The following TBC1D2 variants were observed in gnomAD, a reference collection of about 807,000 sequenced individuals.
TBC1D2 encodes TBC1 domain family member 2A.
TBC1D2 carries 58 observed loss-of-function variants against 91.1 expected under a neutral mutation model. The ratio of observed to expected loss-of-function variants is 0.64; its 90% CI spans 0.52 to 0.79. The LOEUF is 0.79. Ranked by LOEUF, TBC1D2 falls within the 30% of genes least tolerant of loss-of-function variation. TBC1D2 has a pLI of 0.00. For missense variants in TBC1D2, 1,080 were observed against 1,208.3 expected (o/e 0.89, Z 1.57); for synonymous variants, 482 against 511.5 (o/e 0.94, Z 0.78).
At chr9:98,218,671 G>A (rs937853031) in intron 6 of TBC1D2, among the ~76,000 whole-genome samples, 4 of 152,190 alleles carry the variant, frequency 2.6e-5, no homozygotes, top group Admixed American at 2.0e-4. Context: ...AGGCTGTCTG[G>A]AGCCACCTGG....
intron 3 of TBC1D2, chr9:98,235,364 C>T: frequency 2.2e-6 from 1 of 449,226 alleles, no homozygotes; most frequent in Non-Finnish European, 4.4e-6. Context: ...AGATAAACCA[C>T]AGTTACAAGG....
intron 10 of TBC1D2, 121 bp downstream of exon 10, chr9:98,203,167 G>A (rs1034343818): frequency 4.1e-6 from 6 of 1,478,034 alleles, no homozygotes; most frequent in Non-Finnish European, 5.5e-6. Context: ...CACTCCCACA[G>A]TGCAGAGGGA....
chr9:98,237,909 C>CT lies in TBC1D2; in HGVS notation c.648-4361dup, dbSNP rs200976335. On this transcript the variant is annotated intron_variant, in intron 3 of 12. Transcript: ENST00000465784. Reference sequence around the variant, plus strand: ...TAAGTCTTTTTTTTTTCTTTTTTTTCTTTTTTTTTTTTGAGACAGAGTCTC... The same window carrying CT: ...TAAGTCTTTTTTTTTTCTTTTTTTTCTTTTTTTTTTTTTGAGACAGAGTCTC... 1.6e-3 allele frequency among the ~76,000 whole-genome samples: 202 copies of CT among 124,104 alleles called. 2 individuals carry two copies. Among genetic ancestry groups the CT allele is most frequent in the Admixed American group, 6.2e-3 (78 of 12,600 alleles). The allele number at this position is 124,104 out of a possible 152,430, so 81.4% of individuals were successfully genotyped here.
chr9:98,200,497 CTGGAGGCACAATGTGTGGGGATAGGCT>C, intron 11 of TBC1D2, 123 bp from the exon 12 acceptor site: 2 of 667,832 alleles, frequency 3.0e-6, no homozygotes, highest in East Asian at 5.4e-5. Flanking sequence ...AAGTTGAGGC[CTGGAGGCACAATGTGTGGGGATAGGCT>C]CCAGGGGGCT....
rs573792414 is a variant in TBC1D2 at position 98,254,919 on chromosome 9, A to G, written c.369+254T>C. On this transcript the variant is annotated intron_variant, in intron 1 of 12. Transcript: ENST00000465784. Reference sequence around the variant, plus strand: ...CCAAGCTACCCTACTCTCTAGACGCATGGACCTCGAGCCAGTCCTTTCATC... The same window carrying G: ...CCAAGCTACCCTACTCTCTAGACGCGTGGACCTCGAGCCAGTCCTTTCATC... 1.9e-4 allele frequency among the ~76,000 whole-genome samples: 29 copies of G among 152,316 alleles called. No individual in the cohort carries two copies. The East Asian group carries it at 4.8e-3, about 25-fold the overall frequency.
chr9:98,202,964 T>G (rs1429450536), intron 10 of TBC1D2, among the ~76,000 whole-genome samples: 1 of 152,258 alleles, frequency 6.6e-6, no homozygotes, highest in East Asian at 1.9e-4. Flanking sequence ...ATGCCCACAG[T>G]GCTGGAGGCG....
chr9:98,243,547 T>TC (rs1829696692), intron 3 of TBC1D2, among the ~76,000 whole-genome samples: 1 of 143,368 alleles, frequency 7.0e-6, no homozygotes, highest in Non-Finnish European at 1.5e-5. Flanking sequence ...TTTTTTTTTT[T>TC]TTTTTTGAGA....
chr9:98,229,156 A>G lies in TBC1D2; in HGVS notation c.782-8T>C. ...AATCCTCTGGCTCTCTCCCTGCTCA[A>G]GAGGAGAAACGCAGAAGTTATGACT... is the stretch of plus-strand genomic sequence containing the variant. On this transcript the variant is annotated splice_region_variant and splice_polypyrimidine_tract_variant and intron_variant, in intron 4 of 12. Coordinates refer to ENST00000465784, the MANE Select transcript of TBC1D2 (RefSeq NM_001267571.2). The G allele has an allele frequency of 6.2e-7, 1 of 1,613,862 alleles. No individual in the cohort carries two copies. Among genetic ancestry groups the G allele is most frequent in the African/African-American group, 1.3e-5 (1 of 75,030 alleles).
rs1447318403 is a variant in TBC1D2 at position 98,201,756 on chromosome 9, C to T, written c.2272-92G>A. 7.5e-6 allele frequency: 10 copies of T among 1,337,174 alleles called. No homozygotes were observed. The Admixed American group carries it at 1.9e-4, about 25-fold the overall frequency. 82.8% of individuals were successfully genotyped at this position (1,337,174 alleles called of 1,614,324 possible). On this transcript the variant is annotated intron_variant, in intron 10 of 12. Transcript: ENST00000465784. ...CCTTCCTACCCAGTCAGTCCACACACAATCCTGAAGCTGCTCTGGGCAGGT... is the reference window on the plus strand; with the variant it reads ...CCTTCCTACCCAGTCAGTCCACACATAATCCTGAAGCTGCTCTGGGCAGGT...
chr9:98,250,166 T>C (rs1475532083), intron 2 of TBC1D2, among the ~76,000 whole-genome samples: 1 of 151,940 alleles, frequency 6.6e-6, no homozygotes, highest in African/African-American at 2.4e-5. Flanking sequence ...AGCTTGGCCA[T>C]AGAGAATAAG....
chr9:98,245,220 A>G lies in TBC1D2; in HGVS notation c.512-1091T>C, dbSNP rs375714372. Among the ~76,000 whole-genome samples, 111 of 152,224 alleles carry G rather than the reference A, an allele frequency of 7.3e-4. 1 individual carries two copies. Among genetic ancestry groups the G allele is most frequent in the African/African-American group, 2.6e-3 (107 of 41,518 alleles). On this transcript the variant is annotated intron_variant, in intron 2 of 12. Transcript: ENST00000465784. ...GTGCCACTGCACTTCAGCCTGGGCG[A>G]CAGAGTGAGACTCCATCTCAAAAAA...
At chr9:98,226,135 T>C (rs1829228390) in intron 5 of TBC1D2, among the ~76,000 whole-genome samples, 1 of 152,192 alleles carries the variant, frequency 6.6e-6, no homozygotes, top group South Asian at 2.1e-4. Context: ...TTGTGCTGGC[T>C]TTTTCTGTCT....
intron 3 of TBC1D2, among the ~76,000 whole-genome samples, chr9:98,238,356 T>C (rs974582491): frequency 1.5e-5 from 2 of 137,282 alleles, no homozygotes; most frequent in Non-Finnish European, 3.0e-5. Context: ...TCTAATATTG[T>C]TATGGAATGT....
intron 8 of TBC1D2, among the ~76,000 whole-genome samples, 196 bp downstream of exon 8, chr9:98,210,457 GTAC>G (rs1828803051): frequency 6.6e-6 from 1 of 152,212 alleles, no homozygotes; most frequent in Non-Finnish European, 1.5e-5. Flanking sequence ...TGCCGCAAAT[GTAC>G]TATAGGGCCA....
In TBC1D2 at chr9:98,210,661, G is replaced by A; in HGVS notation, c.1668C>T (p.Pro556=). ...EASSDSIELS[P]ISKYDEYGFL... ...TCCTGGGCCGCCAGGCTCACCTGATGGGGCTCAGCTCGATGCTGTCAGATG... is the reference window on the plus strand; with the variant it reads ...TCCTGGGCCGCCAGGCTCACCTGATAGGGCTCAGCTCGATGCTGTCAGATG... Residue 556 remains proline (P), a synonymous_variant, in exon 8 of 13, where the codon CCC becomes CCT. Coordinates refer to ENST00000465784, the MANE Select transcript of TBC1D2 (RefSeq NM_001267571.2). 2 of 1,587,740 alleles carry A rather than the reference G, an allele frequency of 1.3e-6. No individual in the cohort carries two copies. The highest frequency in any genetic ancestry group is 1.7e-6 in the Non-Finnish European group (2 of 1,164,330).
rs144477184 is a variant in TBC1D2, at chr9:98,204,170, TC to T, written c.2151-763del. 8.6e-3 allele frequency among the ~76,000 whole-genome samples: 1,302 copies of T among 152,266 alleles called. 20 individuals are homozygous for T. Among genetic ancestry groups the T allele is most frequent in the African/African-American group, 0.03 (1,243 of 41,542 alleles). On this transcript the variant is annotated intron_variant, in intron 9 of 12. Transcript: ENST00000465784. ...CTCCCATCTTCCCTGGCAGCTCTCA[TC>T]CCGGGCCAATCCAAGAAGTCATTTT... is the stretch of plus-strand genomic sequence containing the variant.
Position 98,220,873 on chromosome 9 carries a change from C to G in TBC1D2, c.1334G>C (p.Arg445Thr). The change falls in exon 6 of 13, where the codon AGG (arginine) becomes ACG (threonine). Residue 445 changes from arginine (R) to threonine (T), a missense_variant. Coordinates refer to ENST00000465784, the MANE Select transcript of TBC1D2 (RefSeq NM_001267571.2). Reference sequence around the variant, plus strand: ...CTTCCCCTGCTGGCTCAGGAAGTCCCTGTTGGCAGCGTCGGGGCGCAAAGG... The same window carrying G: ...CTTCCCCTGCTGGCTCAGGAAGTCCGTGTTGGCAGCGTCGGGGCGCAAAGG... Reference protein sequence around the residue: ...QSPLRPDAANRDFLSQQGKIE... With the variant: ...QSPLRPDAANTDFLSQQGKIE... The G allele has an allele frequency of 6.2e-7, 1 of 1,614,182 alleles. No homozygotes were observed. The highest frequency in any genetic ancestry group is 8.5e-7 in the Non-Finnish European group (1 of 1,180,016).
intron 9 of TBC1D2, among the ~76,000 whole-genome samples, 184 bp downstream of exon 9, chr9:98,208,484 C>A (rs1353202112): frequency 6.6e-6 from 1 of 152,192 alleles, no homozygotes; most frequent in Non-Finnish European, 1.5e-5. Flanking sequence ...CTGTGAGAAT[C>A]TAATGCTGCC....
At chr9:98,242,203 A>T (rs1406105336) in intron 3 of TBC1D2, among the ~76,000 whole-genome samples, 1 of 152,162 alleles carries the variant, frequency 6.6e-6, no homozygotes, top group Non-Finnish European at 1.5e-5. Flanking sequence ...GCACTTTGGG[A>T]GGCCGAGGTG....
Sources: gnomAD v4.1 joint callset for allele counts (sites outside exome capture counted in the v4.1 genomes callset) on GRCh38, gnomAD v4.1.1 for gene constraint, MANE v1.5 for transcripts, NCBI Gene and HGNC (gene_info 2026-07-23, HGNC 2026-07-21) for gene names.